Variants in PARP15 observed in about 807,000 individuals in gnomAD.
PARP15 encodes the protein poly(ADP-ribose) polymerase family member 15.
PARP15 carries 50 observed loss-of-function variants against 62.1 expected under a neutral mutation model. The observed-to-expected ratio is 0.81, with a 90% CI of 0.64 to 1.02. PARP15 has a LOEUF of 1.02. Among genes scored for constraint, PARP15 ranks in the 50% least tolerant of loss-of-function variants. The pLI is 0.00. For synonymous variants in PARP15, 309 were observed against 293.1 expected, an observed-to-expected ratio of 1.05 and a Z score of -0.55; for missense variants, 820 against 826.5, an observed-to-expected ratio of 0.99 and a Z score of 0.10.
At chr3:122,610,152 C>A (rs145932609) in intron 2 of PARP15, among the ~76,000 whole-genome samples, 2 of 152,166 alleles carry the variant, frequency 1.3e-5, no homozygotes, top group Non-Finnish European at 1.5e-5. Flanking sequence ...CTCTGTTTTT[C>A]ACTTTCATTT....
intron 2 of PARP15, among the ~76,000 whole-genome samples, chr3:122,607,529 C>CA (rs923130334): frequency 2.6e-5 from 4 of 152,102 alleles, no homozygotes; most frequent in South Asian, 2.1e-4. Flanking sequence ...AATAAGGACT[C>CA]AAAAAAATGA....
At chr3:122,602,499 C>T (rs1165920180) in intron 1 of PARP15, among the ~76,000 whole-genome samples, 1 of 152,206 alleles carries the variant, frequency 6.6e-6, no homozygotes, top group Non-Finnish European at 1.5e-5. Flanking sequence ...CTACACGTTT[C>T]TCCTGCGGGC....
intron 1 of PARP15, among the ~76,000 whole-genome samples, chr3:122,592,373 A>G (rs1933993142): frequency 6.6e-6 from 1 of 152,146 alleles, no homozygotes; most frequent in African/African-American, 2.4e-5. Context: ...CTCACTTATA[A>G]GCTGGAGCTG....
In PARP15 at chr3:122,577,721, C is replaced by T. The variant is rs764297609; in HGVS notation, c.54C>T (p.Thr18=). 6.4e-6 allele frequency: 10 copies of T among 1,551,722 alleles called. No homozygotes were observed. The highest frequency in any genetic ancestry group is 7.8e-6 in the Non-Finnish European group (9 of 1,146,982). ...CTGCTCTGAGTCCAGGGGCTCCGAC[C>T]CCCAGAGAACTTATGCACGGAGTTG... is the stretch of plus-strand genomic sequence containing the variant. ...PAAALSPGAP[T]PRELMHGVAG... is the part of the protein sequence containing the mutation. The change falls in exon 1 of 12, where the codon ACC becomes ACT. Residue 18 remains threonine (T), a synonymous_variant. Coordinates refer to ENST00000464300, the MANE Select transcript of PARP15 (RefSeq NM_001113523.3).
At chr3:122,591,722 C>T (rs1197144041) in intron 1 of PARP15, among the ~76,000 whole-genome samples, 13 of 138,618 alleles carry the variant, frequency 9.4e-5, no homozygotes, top group Admixed American at 7.2e-4. Flanking sequence ...GCCGAGATTG[C>T]TCCACTGCAC....
chr3:122,615,531 A>T, intron 4 of PARP15: 1 of 1,124,808 alleles, frequency 8.9e-7, no homozygotes, highest in South Asian at 1.7e-5. Context: ...AGCCACAGTC[A>T]GCACCCCTGC....
At position 122,636,320 on chromosome 3, in the gene PARP15, C is replaced by T. The variant is rs1937370330; in HGVS notation, c.*220C>T. ...AAGCTGAGAAATGTATGGTAAATGTCACAGAGCTACAACCATTCACAGACA... is the reference window on the plus strand; with the variant it reads ...AAGCTGAGAAATGTATGGTAAATGTTACAGAGCTACAACCATTCACAGACA... On this transcript the variant is annotated 3_prime_UTR_variant, in exon 12 of 12. Transcript: ENST00000464300. 1 of 537,758 alleles carries T rather than the reference C, an allele frequency of 1.9e-6. No individual in the cohort carries two copies. Among genetic ancestry groups the T allele is most frequent in the African/African-American group, 1.9e-5 (1 of 52,768 alleles). 33.3% of individuals were successfully genotyped at this position (537,758 alleles called of 1,614,324 possible).
intron 5 of PARP15, among the ~76,000 whole-genome samples, chr3:122,616,236 G>A (rs1935960259): frequency 6.6e-6 from 1 of 152,026 alleles, no homozygotes; most frequent in African/African-American, 2.4e-5. Flanking sequence ...TTTAAGGGAT[G>A]AGCTGAAGTG....
rs78341402 is a variant in PARP15 at position 122,624,302 on chromosome 3, C to T, written c.1232-2525C>T. The stretch of plus-strand genomic sequence containing the variant: ...TAAGATTTATTGAGTCCTTACTGTA[C>T]GTTCTAGGTGTTTTACATGTCAAAG... On this transcript the variant is annotated intron_variant, in intron 8 of 11. Transcript: ENST00000464300. Among the ~76,000 whole-genome samples the T allele has an allele frequency of 5.5e-4, 83 of 152,230 alleles. No individual in the cohort carries two copies. In the East Asian group the frequency reaches 6.0e-3, roughly 11 times the overall value.
At chr3:122,624,861 A>T (rs1185348988) in intron 8 of PARP15, among the ~76,000 whole-genome samples, 1 of 152,102 alleles carries the variant, frequency 6.6e-6, no homozygotes, top group East Asian at 1.9e-4. Context: ...TTTTTCTGAG[A>T]TATGTAAATT....
chr3:122,603,062 T>A (rs11711999), intron 1 of PARP15, among the ~76,000 whole-genome samples: 5,545 of 151,168 alleles, frequency 0.037, 134 homozygotes, highest in South Asian at 0.063. Context: ...GAACACCTAC[T>A]TGACCAAAAA....
At position 122,632,211 on chromosome 3, in the gene PARP15, A is replaced by G. The variant is rs141924952; in HGVS notation, c.1564A>G (p.Ile522Val). Reference sequence around the variant, plus strand: ...CACCCGAACTTGTTCTTCCTACGCAATAGAGAAGGTAATACTGTGTTAAAA... The same window carrying G: ...CACCCGAACTTGTTCTTCCTACGCAGTAGAGAAGGTAATACTGTGTTAAAA... Reference protein sequence around the residue: ...KFTRTCSSYAIEKIERIQNAF... With the variant: ...KFTRTCSSYAVEKIERIQNAF... Residue 522 changes from isoleucine to valine, a missense_variant, in exon 10 of 12, where the codon ATA (isoleucine) becomes GTA (valine). By Grantham distance (29) the Ile-to-Val change is conservative. Coordinates refer to ENST00000464300, the MANE Select transcript of PARP15 (RefSeq NM_001113523.3). 487 of 1,613,292 alleles carry G rather than the reference A, an allele frequency of 3.0e-4. 2 individuals are homozygous for G. In the African/African-American group the frequency reaches 5.8e-3, roughly 19 times the overall value.
At chr3:122,615,480 T>C in intron 4 of PARP15, 4 of 1,215,720 alleles carry the variant, frequency 3.3e-6, no homozygotes, top group Non-Finnish European at 4.3e-6. Context: ...AGAGGAGGGA[T>C]AACGATAGTG....
At position 122,638,665 on chromosome 3, in the gene PARP15, T is replaced by A. The variant is rs778878030; in HGVS notation, c.*2565T>A. The A allele has an allele frequency of 1.3e-5, 2 of 152,156 alleles. No homozygotes were observed. The highest frequency in any genetic ancestry group is 1.5e-5 in the Non-Finnish European group (1 of 68,020). The allele number at this position is 152,156 out of a possible 1,614,324, so 9.4% of individuals were successfully genotyped here. Reference sequence around the variant, plus strand: ...TGGGGTTCTTTGTTTTTTTCTTGTATATTTGTTTGAGTTCATTGTAGATTC... The same window carrying A: ...TGGGGTTCTTTGTTTTTTTCTTGTAAATTTGTTTGAGTTCATTGTAGATTC... On this transcript the variant is annotated 3_prime_UTR_variant, in exon 12 of 12. Transcript: ENST00000464300.
chr3:122,620,349 G>A (rs1936258534), intron 7 of PARP15, among the ~76,000 whole-genome samples: 1 of 152,204 alleles, frequency 6.6e-6, no homozygotes, highest in Admixed American at 6.5e-5. Flanking sequence ...TTATGAATGA[G>A]TGTGGACTTT....
intron 4 of PARP15, 100 bp downstream of exon 4, chr3:122,613,368 GC>G: frequency 1.9e-6 from 2 of 1,038,158 alleles, no homozygotes; most frequent in Non-Finnish European, 2.8e-6. Context: ...CTAATCCTGT[GC>G]CTATAAGTGA....
At position 122,636,079 on chromosome 3, in the gene PARP15, T is replaced by C. The variant is rs77585932; in HGVS notation, c.2016T>C (p.Tyr672=). 4,017 of 1,610,482 alleles carry C rather than the reference T, an allele frequency of 2.5e-3. 94 individuals are homozygous for C. In the African/African-American group the frequency reaches 0.049, roughly 19 times the overall value. Residue 672 remains tyrosine, a synonymous_variant, in exon 12 of 12, where the codon TAT becomes TAC. Coordinates refer to ENST00000464300, the MANE Select transcript of PARP15 (RefSeq NM_001113523.3). ...VFFDNQAYPE[Y]LITFTA ...TTGATAATCAGGCTTACCCAGAATATCTCATAACTTTCACGGCTTAAAAAT... is the reference window on the plus strand; with the variant it reads ...TTGATAATCAGGCTTACCCAGAATACCTCATAACTTTCACGGCTTAAAAAT...
chr3:122,621,981 T>C (rs1936382792), intron 8 of PARP15, among the ~76,000 whole-genome samples: 1 of 152,216 alleles, frequency 6.6e-6, no homozygotes, highest in Non-Finnish European at 1.5e-5. Flanking sequence ...GTATTTTTTA[T>C]GGAGACAGCG....
chr3:122,603,292 C>G (rs116469257), intron 1 of PARP15, among the ~76,000 whole-genome samples: 2,403 of 152,088 alleles, frequency 0.016, 66 homozygotes, highest in African/African-American at 0.053. Context: ...GTAACATGAC[C>G]CCAAGGTGTA....
Sources: gnomAD v4.1 joint callset for allele counts (sites outside exome capture counted in the v4.1 genomes callset) on GRCh38, gnomAD v4.1.1 for gene constraint, MANE v1.5 for transcripts, NCBI Gene and HGNC (gene_info 2026-07-23, HGNC 2026-07-21) for gene names.